The following PIP4P1 variants were observed in gnomAD, a reference collection of about 807,000 sequenced individuals.
PIP4P1 encodes phosphatidylinositol-4,5-bisphosphate 4-phosphatase 1, also known as type 1 phosphatidylinositol 4,5-bisphosphate 4-phosphatase.
PIP4P1 carries 14 observed loss-of-function variants against 32.3 expected under a neutral mutation model. The observed-to-expected ratio is 0.43, with a 90% CI of 0.29 to 0.68. The LOEUF (loss-of-function observed/expected upper bound fraction) is 0.68, where lower values mean the gene tolerates loss of function less well. Ranked by LOEUF, PIP4P1 falls within the 30% of genes least tolerant of loss-of-function variation. PIP4P1 has a pLI of 0.15. For synonymous variants in PIP4P1, 132 were observed against 137.9 expected (o/e 0.96, Z 0.30); for missense variants, 289 against 364.5 (o/e 0.79, Z 1.69).
chr14:20,458,387 C>A lies in PIP4P1; in HGVS notation c.*172G>T, dbSNP rs567421836. The A allele has an allele frequency of 1.3e-4, 121 of 911,296 alleles. No individual in the cohort carries two copies. In the South Asian group the frequency reaches 1.5e-3, roughly 11 times the overall value. 56.5% of individuals were successfully genotyped at this position (911,296 alleles called of 1,614,324 possible). A position where few individuals can be genotyped will look rare whatever the true frequency, so the allele number is the denominator to read the frequency against. On this transcript the variant is annotated 3_prime_UTR_variant, in exon 7 of 7. Coordinates refer to ENST00000250489, the MANE Select transcript of PIP4P1 (RefSeq NM_144568.4). Reference sequence around the variant, plus strand: ...ATGGTCAGCAGTGCTCTTATCTGCCCCTCCAAACCTAAGTGAGGGCCTGGT... The same window carrying A: ...ATGGTCAGCAGTGCTCTTATCTGCCACTCCAAACCTAAGTGAGGGCCTGGT...
Position 20,459,261 on chromosome 14 carries a change from C to A in PIP4P1, c.635G>T (p.Cys212Phe). ...CAAGCCAAGCAAGAAGCAGCAGATACATCTCTTACGTGGGTATCTGCGCCC... is the reference window on the plus strand; with the variant it reads ...CAAGCCAAGCAAGAAGCAGCAGATAAATCTCTTACGTGGGTATCTGCGCCC... ...SIGRRYPRKR[C>F]ICCFLLGLLL... Residue 212 changes from cysteine (C) to phenylalanine (F), a missense_variant, in exon 6 of 7, where the codon TGT (cysteine) becomes TTT (phenylalanine). By Grantham distance (205) the Cys-to-Phe change is radical. This residue lies in a region of PIP4P1 where 181 missense variants were observed against 263.3 expected (regional missense o/e 0.69). Transcript: ENST00000250489. 6.2e-7 allele frequency: 1 copy of A among 1,614,250 alleles called. No individual in the cohort carries two copies. The highest frequency in any genetic ancestry group is 8.5e-7 in the Non-Finnish European group (1 of 1,180,048).
chr14:20,460,343 T>A (rs1294571430), intron 2 of PIP4P1, 45 bp from the exon 3 acceptor site: 1 of 1,378,838 alleles, frequency 7.3e-7, no homozygotes, highest in African/African-American at 1.4e-5. Flanking sequence ...CTAATCCCAA[T>A]CCCCTCCACT....
chr14:20,458,232 T>G lies in PIP4P1; in HGVS notation c.*327A>C. On this transcript the variant is annotated 3_prime_UTR_variant, in exon 7 of 7. Transcript: ENST00000250489. Reference sequence around the variant, plus strand: ...CCCACCCCCACCCTGCCCTGGAATGTGTAAGGGACAGGAATGGCTCTCAGG... The same window carrying G: ...CCCACCCCCACCCTGCCCTGGAATGGGTAAGGGACAGGAATGGCTCTCAGG... 6.2e-6 allele frequency: 3 copies of G among 482,406 alleles called. No homozygotes were observed. Among genetic ancestry groups the G allele is most frequent in the East Asian group, 5.8e-5 (1 of 17,162 alleles). The allele number at this position is 482,406 out of a possible 1,614,324, so 29.9% of individuals were successfully genotyped here. A position where few individuals can be genotyped will look rare whatever the true frequency, so the allele number is the denominator to read the frequency against.
In PIP4P1 at chr14:20,461,412, G is replaced by A; in HGVS notation, c.-87C>T. The A allele has an allele frequency of 1.7e-6, 2 of 1,208,712 alleles. No individual in the cohort carries two copies. The highest frequency in any genetic ancestry group is 2.1e-6 in the Non-Finnish European group (2 of 966,824). 74.9% of individuals were successfully genotyped at this position (1,208,712 alleles called of 1,614,324 possible). On this transcript the variant is annotated 5_prime_UTR_variant, in exon 1 of 7. Coordinates refer to ENST00000250489, the MANE Select transcript of PIP4P1 (RefSeq NM_144568.4). The stretch of plus-strand genomic sequence containing the variant: ...CGCAGCCACCGCCACCGCCGCCACC[G>A]CCACCGCCGCTACCGGGTCCCCAGG...
At chr14:20,460,111 C>T in intron 3 of PIP4P1, 81 bp downstream of exon 3, 1 of 1,079,408 alleles carries the variant, frequency 9.3e-7, no homozygotes, top group South Asian at 1.3e-5. Context: ...GCTCTCTCAC[C>T]TTTACATTCT....
chr14:20,460,671 ACAC>A lies in PIP4P1; in HGVS notation c.314_316del (p.Gly105del). ...GTAACTCACGGTGGCTTCATTGCAGACACCACATTTGACTACATGCTGATGCAT... is the reference window on the plus strand; with the variant it reads ...GTAACTCACGGTGGCTTCATTGCAGACACATTTGACTACATGCTGATGCAT... On this transcript the variant is annotated inframe_deletion, in exon 2 of 7. Coordinates refer to ENST00000250489, the MANE Select transcript of PIP4P1 (RefSeq NM_144568.4). 3 of 1,613,770 alleles carry A rather than the reference ACAC, an allele frequency of 1.9e-6. No homozygotes were observed. The highest frequency in any genetic ancestry group is 2.5e-6 in the Non-Finnish European group (3 of 1,179,958).
rs1399479299 is a variant in PIP4P1, at chr14:20,460,255, G to T, written c.377C>A (p.Pro126His). The T allele has an allele frequency of 1.2e-6, 2 of 1,614,112 alleles. No homozygotes were observed. Residue 126 changes from proline to histidine, a missense_variant, in exon 3 of 7, where the codon CCC (proline) becomes CAC (histidine). By Grantham distance (77) the Pro-to-His change is moderately conservative. Coordinates refer to ENST00000250489, the MANE Select transcript of PIP4P1 (RefSeq NM_144568.4). ...TTTGCAGATAAGGAGACAGTTACAG[G>T]GGCATCGAACATATTTTTTCCCTGG... ...APPGKKYVRCPCNCLLICKVT... is the reference protein window; with the variant it reads ...APPGKKYVRCHCNCLLICKVT...
intron 1 of PIP4P1, 61 bp downstream of exon 1, chr14:20,461,123 A>G: frequency 7.9e-7 from 1 of 1,270,768 alleles, no homozygotes. Context: ...CCCGGCTTTC[A>G]GAGTACCCCG....
At position 20,459,433 on chromosome 14, in the gene PIP4P1, T is replaced by C; in HGVS notation, c.554A>G (p.Glu185Gly). Residue 185 changes from glutamate (E) to glycine (G), a missense_variant, in exon 5 of 7, where the codon GAG (glutamate) becomes GGG (glycine). Coordinates refer to ENST00000250489, the MANE Select transcript of PIP4P1 (RefSeq NM_144568.4). Reference protein sequence around the residue: ...GHCKNTFLWTEFTDRTLARCP... With the variant: ...GHCKNTFLWTGFTDRTLARCP... ...ACGTGCCAAAGTGCGGTCTGTGAAC[T>C]CTGTCCACTATGGAGAAAGAAAACA... The C allele has an allele frequency of 6.2e-7, 1 of 1,614,200 alleles. No individual in the cohort carries two copies. The highest frequency in any genetic ancestry group is 1.1e-5 in the South Asian group (1 of 91,080).
chr14:20,459,845 C>T, intron 3 of PIP4P1, 112 bp from the exon 4 acceptor site: 3 of 764,038 alleles, frequency 3.9e-6, no homozygotes, highest in South Asian at 3.3e-5. Context: ...TATTAAGTCA[C>T]TCGACTTCTC....
Position 20,459,691 on chromosome 14 carries a change from C to T in PIP4P1, c.483G>A (p.Leu161=). 1.9e-6 allele frequency: 3 copies of T among 1,614,064 alleles called. No individual in the cohort carries two copies. The South Asian group carries it at 3.3e-5, about 18-fold the overall frequency. ...CACCCATGGGTTGGGGTTCTGGACT[C>T]AGAGGTCCGGGATGCACAGGCCCCA... The part of the protein sequence containing the change: ...INLGPVHPGP[L]SPEPQPMGVR... Residue 161 remains leucine, a synonymous_variant, in exon 4 of 7, where the codon CTG becomes CTA. Transcript: ENST00000250489.
chr14:20,460,691 C>T lies in PIP4P1; in HGVS notation c.297G>A (p.Gln99=). The part of the protein sequence containing the change: ...SLINVEGKMH[Q]HVVKCGVCNE... ...TGCAGACACCACATTTGACTACATG[C>T]TGATGCATCTTGCCTTCCACGTTGA... The change falls in exon 2 of 7, where the codon CAG becomes CAA. Residue 99 remains glutamine, a synonymous_variant. Coordinates refer to ENST00000250489, the MANE Select transcript of PIP4P1 (RefSeq NM_144568.4). 1 of 1,614,034 alleles carries T rather than the reference C, an allele frequency of 6.2e-7. No individual in the cohort carries two copies. Among genetic ancestry groups the T allele is most frequent in the Non-Finnish European group, 8.5e-7 (1 of 1,180,000 alleles).
At position 20,458,578 on chromosome 14, in the gene PIP4P1, G is replaced by A. The variant is rs776074594; in HGVS notation, c.815C>T (p.Pro272Leu). ...LYWACMKVSH[P>L]VQNFS ...TCAGGCTCAGGAGAAGTTCTGGACA[G>A]GGTGGCTGACCTTCATACAGGCCCA... The change falls in exon 7 of 7, where the codon CCT becomes CTT. Residue 272 changes from proline (P) to leucine (L), a missense_variant. Transcript: ENST00000250489. 1 of 1,614,010 alleles carries A rather than the reference G, an allele frequency of 6.2e-7. No individual in the cohort carries two copies.
chr14:20,460,594 C>T lies in PIP4P1; in HGVS notation c.333+61G>A, dbSNP rs888129873. ...ATAGCCGGAAGGTCAGGGTCTAGAA[C>T]CAAGACATCAGAAAGAGGATCCAGG... is the stretch of plus-strand genomic sequence containing the variant. On this transcript the variant is annotated intron_variant, in intron 2 of 6. Transcript: ENST00000250489. The T allele has an allele frequency of 1.8e-5, 28 of 1,572,380 alleles. 1 individual carries two copies. The highest frequency in any genetic ancestry group is 2.4e-5 in the Non-Finnish European group (28 of 1,155,760).
Position 20,459,711 on chromosome 14 carries a change from G to C in PIP4P1, c.463C>G (p.Pro155Ala), listed in dbSNP as rs1032842818. 6.2e-7 allele frequency: 1 copy of C among 1,613,786 alleles called. No homozygotes were observed. The highest frequency in any genetic ancestry group is 8.5e-7 in the Non-Finnish European group (1 of 1,179,942). Residue 155 changes from proline to alanine, a missense_variant, in exon 4 of 7, where the codon CCT becomes GCT. Around this residue, in one of 2 missense-constraint regions of PIP4P1, gnomAD observed 181 missense variants for 263.3 expected, o/e 0.69. Coordinates refer to ENST00000250489, the MANE Select transcript of PIP4P1 (RefSeq NM_144568.4). ...GGACTCAGAGGTCCGGGATGCACAG[G>C]CCCCAGGTTGATGATTCTTTTGCTA... is the stretch of plus-strand genomic sequence containing the variant. The part of the protein sequence containing the change: ...PYCKRIINLG[P>A]VHPGPLSPEP...
In PIP4P1 at chr14:20,459,104, C is replaced by G. The variant is rs1881591283; in HGVS notation, c.690+102G>C. On this transcript the variant is annotated intron_variant, in intron 6 of 6. Transcript: ENST00000250489. Reference sequence around the variant, plus strand: ...ATATCTTAAAACAAAACAAACTAGTCCCCCAAGTTTCTTCCACTTTTTTTT... The same window carrying G: ...ATATCTTAAAACAAAACAAACTAGTGCCCCAAGTTTCTTCCACTTTTTTTT... The G allele has an allele frequency of 2.4e-6, 3 of 1,233,822 alleles. No homozygotes were observed. The Admixed American group carries it at 6.3e-5, about 26-fold the overall frequency. 76.4% of individuals were successfully genotyped at this position (1,233,822 alleles called of 1,614,324 possible).
At chr14:20,459,814 C>A (rs1197453380) in intron 3 of PIP4P1, 81 bp from the exon 4 acceptor site, 2 of 986,674 alleles carry the variant, frequency 2.0e-6, no homozygotes, top group Non-Finnish European at 3.2e-6. Context: ...AGTCCCTGTT[C>A]CACATCCCCC....
rs896419691 is a variant in PIP4P1 at position 20,458,194 on chromosome 14, ACC to A, written c.*363_*364del. 4.1e-5 allele frequency: 18 copies of A among 437,332 alleles called. No homozygotes were observed. Among genetic ancestry groups the A allele is most frequent in the Admixed American group, 8.1e-5 (3 of 36,992 alleles). 27.1% of individuals were successfully genotyped at this position (437,332 alleles called of 1,614,324 possible). ...CTAATGGTGCACAAGAGGGAGGGGA[ACC>A]CCCAGGGCTACCCACCCCCACCCTG... On this transcript the variant is annotated 3_prime_UTR_variant, in exon 7 of 7. Transcript: ENST00000250489.
chr14:20,459,593 C>T, intron 4 of PIP4P1, 35 bp downstream of exon 4: 3 of 1,593,988 alleles, frequency 1.9e-6, no homozygotes, highest in Non-Finnish European at 2.6e-6. Context: ...CTCTTAGTCT[C>T]CTTTCCCCTC....
Sources: gnomAD v4.1 joint callset for allele counts on GRCh38, gnomAD v4.1.1 for gene constraint, gnomAD v4.1.1 regional missense constraint, MANE v1.5 for transcripts, NCBI Gene and HGNC (gene_info 2026-07-23, HGNC 2026-07-21) for gene names.